Variants in PARD3B observed in about 807,000 individuals in gnomAD.
The protein encoded by PARD3B is partitioning defective 3 homolog B.
Under a neutral mutation model 130.2 loss-of-function variants are expected in PARD3B, and 103 were observed. The ratio of observed to expected loss-of-function variants is 0.79; its 90% CI spans 0.67 to 0.93. PARD3B has a LOEUF of 0.93. Among genes scored for constraint, PARD3B ranks in the 40% least tolerant of loss-of-function variants. The probability of loss-of-function intolerance (pLI) is 0.00; values close to 1 mark genes in which losing one functional copy is unlikely to be tolerated. For missense variants in PARD3B, 1,609 were observed against 1,499.2 expected, an observed-to-expected ratio of 1.07 and a Z score of -1.21; for synonymous variants, 583 against 553.2, an observed-to-expected ratio of 1.05 and a Z score of -0.76.
At chr2:205,462,702 T>C (rs1050789387) in intron 20 of PARD3B, among the ~76,000 whole-genome samples, 1 of 152,204 alleles carries the variant, frequency 6.6e-6, no homozygotes, top group African/African-American at 2.4e-5. Context: ...TCTTGGAATC[T>C]CTGTACTTGG....
intron 2 of PARD3B, among the ~76,000 whole-genome samples, chr2:204,871,587 AT>A (rs1031847094): frequency 6.6e-6 from 1 of 152,124 alleles, no homozygotes; most frequent in African/African-American, 2.4e-5. Flanking sequence ...GATATGAATG[AT>A]TTTTTTCCTT....
rs1024826252 is a variant in PARD3B at position 205,564,640 on chromosome 2, T to C, written c.3260+11237T>C. On this transcript the variant is annotated intron_variant, in intron 22 of 22. Transcript: ENST00000406610. The surrounding 1 kb of genome is among the most constrained non-coding windows in gnomAD (Gnocchi z 4.6). Reference sequence around the variant, plus strand: ...GCGGAAGCATCGCTTCTACTGACTCTGCTGCTTCAAGTCCAGAGAAGAGAG... The same window carrying C: ...GCGGAAGCATCGCTTCTACTGACTCCGCTGCTTCAAGTCCAGAGAAGAGAG... 4.6e-5 allele frequency among the ~76,000 whole-genome samples: 7 copies of C among 152,206 alleles called. No individual in the cohort carries two copies. The highest frequency in any genetic ancestry group is 2.1e-4 in the South Asian group (1 of 4,826).
At chr2:204,936,225 C>T (rs2125789789) in intron 2 of PARD3B, among the ~76,000 whole-genome samples, 1 of 152,346 alleles carries the variant, frequency 6.6e-6, no homozygotes, top group Admixed American at 6.5e-5. Context: ...GCATGGGCCA[C>T]GTGCTGTGTG....
chr2:204,609,382 G>A (rs2125114267), intron 1 of PARD3B, among the ~76,000 whole-genome samples: 1 of 152,262 alleles, frequency 6.6e-6, no homozygotes, highest in Admixed American at 6.5e-5. Context: ...CCATGGCCTG[G>A]GGAACAGTCT....
In PARD3B at chr2:204,570,725, A is replaced by G. The variant is rs540753656; in HGVS notation, c.120+24606A>G. On this transcript the variant is annotated intron_variant, in intron 1 of 22. Coordinates refer to ENST00000406610, the MANE Select transcript of PARD3B (RefSeq NM_001302769.2). ...TTGTAACTGAGGTGTATAAGCTGTT[A>G]TAACTGAGGTGTATGAGCTGTTGTA... 2.9e-3 allele frequency among the ~76,000 whole-genome samples: 428 copies of G among 147,124 alleles called. 1 individual carries two copies. Among genetic ancestry groups the G allele is most frequent in the Middle Eastern group, 0.016 (4 of 248 alleles).
chr2:205,120,704 C>G (rs1265186831), intron 7 of PARD3B, among the ~76,000 whole-genome samples: 2 of 152,146 alleles, frequency 1.3e-5, no homozygotes, highest in Non-Finnish European at 2.9e-5. Flanking sequence ...GAAAAATGGG[C>G]ACAAGATGGC....
intron 1 of PARD3B, among the ~76,000 whole-genome samples, chr2:204,546,673 G>T (rs969499711): frequency 3.9e-5 from 6 of 152,178 alleles, no homozygotes; most frequent in African/African-American, 9.7e-5. Context: ...ACAGGTGGGA[G>T]CATGCTGTTT....
intron 2 of PARD3B, among the ~76,000 whole-genome samples, chr2:204,729,376 C>T (rs529125395): frequency 6.6e-6 from 1 of 152,110 alleles, no homozygotes; most frequent in African/African-American, 2.4e-5. Context: ...TTGCCTACCC[C>T]CTTAAGGAGA....
intron 22 of PARD3B, among the ~76,000 whole-genome samples, chr2:205,603,178 GT>G (rs1390666017): frequency 6.6e-6 from 1 of 152,114 alleles, no homozygotes; most frequent in African/African-American, 2.4e-5. Context: ...TTTTGAATGA[GT>G]TTCTTAATCT....
intron 2 of PARD3B, among the ~76,000 whole-genome samples, chr2:204,902,518 C>A (rs935376331): frequency 1.3e-5 from 2 of 151,782 alleles, no homozygotes; most frequent in Non-Finnish European, 2.9e-5. Context: ...AAATACAAAA[C>A]ATTAGCCGGG....
At position 204,727,786 on chromosome 2, in the gene PARD3B, A is replaced by G. The variant is rs377133872; in HGVS notation, c.222+41504A>G. On this transcript the variant is annotated intron_variant, in intron 2 of 22. Transcript: ENST00000406610. The stretch of plus-strand genomic sequence containing the variant: ...CTTCCAGATGGGTCATGTGTTCAAA[A>G]AATGGCATTGGCATGATCAGTGGGT... 3.8e-4 allele frequency among the ~76,000 whole-genome samples: 58 copies of G among 152,292 alleles called. No homozygotes were observed. The East Asian group carries it at 0.01, about 26-fold the overall frequency.
chr2:205,150,252 T>TGTGTGTGTGTGTGTGTGTGCGCGC (rs375301293), intron 10 of PARD3B, among the ~76,000 whole-genome samples: 1 of 145,780 alleles, frequency 6.9e-6, no homozygotes, highest in African/African-American at 2.6e-5. Flanking sequence ...TGTGTGTGTG[T>TGTGTGTGTGTGTGTGTGTGCGCGC]GCACACACGC....
chr2:204,811,613 G>T (rs2042964839), intron 2 of PARD3B, among the ~76,000 whole-genome samples: 1 of 152,048 alleles, frequency 6.6e-6, no homozygotes, highest in Non-Finnish European at 1.5e-5. Context: ...GGAAGAATGG[G>T]GTGGGACAAC....
intron 16 of PARD3B, among the ~76,000 whole-genome samples, chr2:205,275,516 A>G (rs2040905845): frequency 6.6e-6 from 1 of 152,158 alleles, no homozygotes; most frequent in Non-Finnish European, 1.5e-5. Flanking sequence ...TCTATATTTT[A>G]TCTATTGAAA....
chr2:204,722,330 A>C (rs2039033775), intron 2 of PARD3B, among the ~76,000 whole-genome samples: 1 of 152,202 alleles, frequency 6.6e-6, no homozygotes, highest in Non-Finnish European at 1.5e-5. Context: ...AATGTCTAAC[A>C]ATGTCTTTCT....
At chr2:205,447,745 C>A (rs1487199482) in intron 20 of PARD3B, among the ~76,000 whole-genome samples, 1 of 152,216 alleles carries the variant, frequency 6.6e-6, no homozygotes, top group Non-Finnish European at 1.5e-5. Flanking sequence ...TCATCAGAGG[C>A]ATCTTCTCCA....
At chr2:204,898,868 A>G (rs939312736) in intron 2 of PARD3B, among the ~76,000 whole-genome samples, 18 of 152,152 alleles carry the variant, frequency 1.2e-4, no homozygotes, top group African/African-American at 4.1e-4. Context: ...TTATCATTAT[A>G]TAATGACCTT....
chr2:205,255,093 C>T (rs564839842), intron 16 of PARD3B, among the ~76,000 whole-genome samples: 3 of 152,202 alleles, frequency 2.0e-5, no homozygotes, highest in East Asian at 3.9e-4. Context: ...GTCACAGTTA[C>T]TCTCTGACCA....
intron 19 of PARD3B, among the ~76,000 whole-genome samples, chr2:205,406,506 A>G (rs1470458861): frequency 2.0e-5 from 3 of 152,094 alleles, no homozygotes; most frequent in African/African-American, 4.8e-5. Flanking sequence ...TCAGAGTTGT[A>G]TAAATTTCAG....
Sources: allele counts gnomAD v4.1 joint callset (sites outside exome capture counted in the v4.1 genomes callset), GRCh38; gene constraint gnomAD v4.1.1; non-coding constraint Gnocchi (gnomAD v3.1); transcripts MANE v1.5; gene names NCBI Gene and HGNC (gene_info 2026-07-23, HGNC 2026-07-21).